Variants in C20orf96 observed in about 807,000 individuals in gnomAD.
The protein encoded by C20orf96 is uncharacterized protein C20orf96.
A neutral mutation model predicts 52.6 loss-of-function variants in C20orf96; 57 were observed. The observed-to-expected ratio is 1.08, with a 90% CI of 0.88 to 1.35. C20orf96 has a LOEUF of 1.35. Ranked by LOEUF, C20orf96 falls within the 40% of genes most tolerant of loss-of-function variation. The probability of loss-of-function intolerance (pLI) is 0.00; values close to 1 mark genes in which losing one functional copy is unlikely to be tolerated. For synonymous variants in C20orf96, 168 were observed against 157.2 expected, an observed-to-expected ratio of 1.07 and a Z score of -0.51; for missense variants, 478 against 443.6, an observed-to-expected ratio of 1.08 and a Z score of -0.70.
Position 271,003 on chromosome 20 carries a change from G to C in C20orf96, c.*204C>G, listed in dbSNP as rs951636766. Reference sequence around the variant, plus strand: ...GGAAGAAAGAAAGGAGGGAGGGAGGGAGAGGAGGAAGGAAGGAGGAGGGAA... The same window carrying C: ...GGAAGAAAGAAAGGAGGGAGGGAGGCAGAGGAGGAAGGAAGGAGGAGGGAA... On this transcript the variant is annotated 3_prime_UTR_variant, in exon 11 of 11. Transcript: ENST00000360321. 2.2e-5 allele frequency: 12 copies of C among 534,346 alleles called. No individual in the cohort carries two copies. The highest frequency in any genetic ancestry group is 1.1e-4 in the Admixed American group (3 of 27,674). 33.1% of individuals were successfully genotyped at this position (534,346 alleles called of 1,614,324 possible). A position where few individuals can be genotyped will look rare whatever the true frequency, so the allele number is the denominator to read the frequency against.
intron 2 of C20orf96, 66 bp downstream of exon 2, chr20:290,193 G>T: frequency 7.9e-7 from 1 of 1,267,396 alleles, no homozygotes; most frequent in Non-Finnish European, 1.1e-6. Context: ...GACCGTGAGA[G>T]TGGAGAGCAG....
At chr20:276,516 G>T in intron 9 of C20orf96, 1 of 985,416 alleles carries the variant, frequency 1.0e-6, no homozygotes, top group Non-Finnish European at 1.2e-6. Context: ...AAAGATGCAC[G>T]GTGGTTAATG....
At chr20:277,770 G>C (rs188184935) in intron 6 of C20orf96, among the ~76,000 whole-genome samples, 14 of 150,510 alleles carry the variant, frequency 9.3e-5, no homozygotes, top group Admixed American at 9.2e-4. Context: ...CCCATGGCAG[G>C]ATTAAGACAA....
intron 3 of C20orf96, among the ~76,000 whole-genome samples, chr20:286,491 T>C (rs904913642): frequency 1.4e-5 from 2 of 138,482 alleles, no homozygotes; most frequent in Non-Finnish European, 3.0e-5. Flanking sequence ...TACTCCAGCC[T>C]GGGTAAGAGA....
chr20:283,764 C>T (rs2012310603), intron 4 of C20orf96, among the ~76,000 whole-genome samples, 199 bp downstream of exon 4: 1 of 152,146 alleles, frequency 6.6e-6, no homozygotes, highest in African/African-American at 2.4e-5. Context: ...GCTGTGTGAC[C>T]TGGTGCATGT....
chr20:274,221 C>T (rs146284394), intron 10 of C20orf96, among the ~76,000 whole-genome samples: 23 of 152,072 alleles, frequency 1.5e-4, no homozygotes, highest in Non-Finnish European at 1.9e-4. Flanking sequence ...TGCTTCCTTG[C>T]TCCTGGTGTT....
At chr20:282,405 G>T (rs1399483984) in intron 4 of C20orf96, among the ~76,000 whole-genome samples, 1 of 152,124 alleles carries the variant, frequency 6.6e-6, no homozygotes, top group Non-Finnish European at 1.5e-5. Flanking sequence ...ATAGAACCTG[G>T]CACATGGTAG....
Position 277,356 on chromosome 20 carries a change from T to A in C20orf96, c.593A>T (p.Asn198Ile), listed in dbSNP as rs1334847558. ...CTCCTGGGTCTTCTCAATCTTGGCA[T>A]TCAGCTGCTCTGCCTGCTGCTCAAG... The part of the protein sequence containing the change: ...SYLEQQAEQL[N>I]AKIEKTQEEV... The change falls in exon 7 of 11, where the codon AAT becomes ATT. Residue 198 changes from asparagine (N) to isoleucine (I), a missense_variant. By Grantham distance (149) the Asn-to-Ile change is moderately radical (BLOSUM62 -3). Transcript: ENST00000360321. 4 of 1,613,892 alleles carry A rather than the reference T, an allele frequency of 2.5e-6. No homozygotes were observed. Among genetic ancestry groups the A allele is most frequent in the Non-Finnish European group, 2.5e-6 (3 of 1,180,008 alleles).
intron 4 of C20orf96, among the ~76,000 whole-genome samples, chr20:279,799 G>A (rs1382342533): frequency 2.0e-5 from 3 of 151,996 alleles, no homozygotes; most frequent in Non-Finnish European, 2.9e-5. Context: ...GTGAAACCCC[G>A]TCTCCACTAA....
Position 276,803 on chromosome 20 carries a change from CTTTGCATGCA to C in C20orf96, c.892_901del (p.Cys298GlyfsTer16). On this transcript the variant is annotated frameshift_variant, in exon 9 of 11. Coordinates refer to ENST00000360321, the MANE Select transcript of C20orf96 (RefSeq NM_153269.3). LOFTEE classifies it high-confidence loss of function. ...TCCTTGCCCACGCACTTCTCTGAAC[CTTTGCATGCA>C]TTTCAGGAAGTCCTGGCTTTCCCAC... 1 of 1,613,226 alleles carries C rather than the reference CTTTGCATGCA, an allele frequency of 6.2e-7. No homozygotes were observed. Among genetic ancestry groups the C allele is most frequent in the Non-Finnish European group, 8.5e-7 (1 of 1,179,542 alleles).
chr20:284,170 A>C, intron 3 of C20orf96, 89 bp from the exon 4 acceptor site: 1 of 921,502 alleles, frequency 1.1e-6, no homozygotes, highest in Non-Finnish European at 1.8e-6. Context: ...TAATGAGAGG[A>C]GGGCCAGACC....
chr20:278,387 G>A lies in C20orf96; in HGVS notation c.508C>T (p.Gln170Ter). 1 of 1,613,954 alleles carries A rather than the reference G, an allele frequency of 6.2e-7. No individual in the cohort carries two copies. Among genetic ancestry groups the A allele is most frequent in the Admixed American group, 1.7e-5 (1 of 60,006 alleles). Residue 170 changes from glutamine (Q) to a stop codon, truncating the protein, a stop_gained, in exon 6 of 11, where the codon CAG becomes TAG. Transcript: ENST00000360321. LOFTEE classifies it high-confidence loss of function. ...ILEYSNKKRL[Q>*]QLKSELQEWE... The stretch of plus-strand genomic sequence containing the variant: ...TCCTGAAGCTCAGATTTCAATTGCT[G>A]CAGCCTCTTCTTGTTTGAGTACTCC...
chr20:277,101 T>C lies in C20orf96; in HGVS notation c.768A>G (p.Glu256=), dbSNP rs2012053969. The change falls in exon 8 of 11, where the codon GAA becomes GAG. Residue 256 remains glutamate (E), a synonymous_variant. Coordinates refer to ENST00000360321, the MANE Select transcript of C20orf96 (RefSeq NM_153269.3). ...DLGEMRRKVL[E]SLSDKIQKKK... is the part of the protein sequence containing the mutation. ...TCTTCTGAATCTTGTCAGACAAGGATTCCAGGACCTTTCTGCGCATCTCAC... is the reference window on the plus strand; with the variant it reads ...TCTTCTGAATCTTGTCAGACAAGGACTCCAGGACCTTTCTGCGCATCTCAC... 1 of 1,613,824 alleles carries C rather than the reference T, an allele frequency of 6.2e-7. No individual in the cohort carries two copies. The highest frequency in any genetic ancestry group is 8.5e-7 in the Non-Finnish European group (1 of 1,179,934).
intron 3 of C20orf96, 30 bp from the exon 4 acceptor site, chr20:284,111 G>A (rs1284411119): frequency 6.3e-7 from 1 of 1,582,538 alleles, no homozygotes; most frequent in Middle Eastern, 1.7e-4. Context: ...GACAGGGAGA[G>A]AGTGAGGGTC....
At chr20:289,513 A>G in intron 3 of C20orf96, 46 bp downstream of exon 3, 1 of 1,308,434 alleles carries the variant, frequency 7.6e-7, no homozygotes, top group Non-Finnish European at 1.1e-6. Flanking sequence ...CAGCCACTCT[A>G]TCCTGTCTCC....
intron 10 of C20orf96, among the ~76,000 whole-genome samples, chr20:273,685 G>A (rs920062498): frequency 6.6e-6 from 1 of 151,914 alleles, no homozygotes; most frequent in Non-Finnish European, 1.5e-5. Flanking sequence ...AGACCAGCCT[G>A]GCCAACATGG....
intron 4 of C20orf96, 34 bp from the exon 5 acceptor site, chr20:279,364 T>A (rs369425055): frequency 1.3e-6 from 2 of 1,589,962 alleles, no homozygotes. Flanking sequence ...GAGGCGGCGC[T>A]GCGCCCTGCC....
Position 274,795 on chromosome 20 carries a change from C to A in C20orf96, c.1031+1173G>T, listed in dbSNP as rs144097964. Among the ~76,000 whole-genome samples the A allele has an allele frequency of 3.0e-3, 446 of 151,062 alleles. 1 individual carries two copies. Among genetic ancestry groups the A allele is most frequent in the African/African-American group, 0.01 (428 of 41,338 alleles). On this transcript the variant is annotated intron_variant, in intron 10 of 10. Coordinates refer to ENST00000360321, the MANE Select transcript of C20orf96 (RefSeq NM_153269.3). ...CCCAGACTTGCTGTCCTAACAGTTG[C>A]TTTCTTTTTTCTTTTTTTTTTAATT...
Position 277,025 on chromosome 20 carries a change from A to G in C20orf96, c.825+19T>C, listed in dbSNP as rs762983458. ...GTGAGACCTGGATCCCCGCTCCCAC[A>G]CAGCAACTGGCTACTCACCGCCACC... On this transcript the variant is annotated intron_variant, in intron 8 of 10. Coordinates refer to ENST00000360321, the MANE Select transcript of C20orf96 (RefSeq NM_153269.3). 1 of 1,610,046 alleles carries G rather than the reference A, an allele frequency of 6.2e-7. No individual in the cohort carries two copies.
Sources: gnomAD v4.1 joint callset for allele counts (sites outside exome capture counted in the v4.1 genomes callset) on GRCh38, gnomAD v4.1.1 for gene constraint, MANE v1.5 for transcripts, NCBI Gene and HGNC (gene_info 2026-07-23, HGNC 2026-07-21) for gene names.